DOCK5: variants seen among roughly 807,000 people sequenced by gnomAD.
The protein encoded by DOCK5 is dedicator of cytokinesis 5, also known as dedicator of cytokinesis protein 5.
DOCK5 carries 142 observed loss-of-function variants against 251.8 expected under a neutral mutation model. The observed-to-expected ratio is 0.56, with a 90% CI of 0.49 to 0.65. The LOEUF is 0.65. DOCK5 is among the 30% of genes least tolerant of loss of function. The pLI is 0.00. For missense variants in DOCK5, 2,111 were observed against 2,312.3 expected, an observed-to-expected ratio of 0.91 and a Z score of 1.79; for synonymous variants, 842 against 835.5, an observed-to-expected ratio of 1.01 and a Z score of -0.13.
chr8:25,368,503 G>A (rs1025020156), intron 32 of DOCK5, 68 bp from the exon 33 acceptor site: 1 of 1,505,052 alleles, frequency 6.6e-7, no homozygotes, highest in Non-Finnish European at 8.9e-7. Context: ...GGAACTTGTG[G>A]AGGAAGATTT....
intron 1 of DOCK5, among the ~76,000 whole-genome samples, chr8:25,216,161 A>G (rs1483996029): frequency 1.0e-4 from 15 of 148,888 alleles, no homozygotes; most frequent in Admixed American, 6.9e-5. Flanking sequence ...ATATGTATAT[A>G]TGTATACAAT....
chr8:25,319,218 C>T lies in DOCK5; in HGVS notation c.1444-360C>T, dbSNP rs148171911. On this transcript the variant is annotated intron_variant, in intron 14 of 51. Transcript: ENST00000276440. ...AAATGCTTTTCTGCAAATAGCGGCG[C>T]GTCTGCAGTTGTCACCTAACTTCTC... Among the ~76,000 whole-genome samples the T allele has an allele frequency of 3.3e-3, 505 of 152,298 alleles. 6 individuals carry two copies. Among genetic ancestry groups the T allele is most frequent in the African/African-American group, 0.012 (480 of 41,562 alleles).
At chr8:25,323,505 T>C (rs1281979776) in intron 16 of DOCK5, among the ~76,000 whole-genome samples, 1 of 151,952 alleles carries the variant, frequency 6.6e-6, no homozygotes, top group African/African-American at 2.4e-5. Context: ...TGGCCTGAAG[T>C]CAGGAAGGAC....
chr8:25,237,169 C>G (rs1236743804), intron 1 of DOCK5, among the ~76,000 whole-genome samples: 1 of 151,980 alleles, frequency 6.6e-6, no homozygotes, highest in Non-Finnish European at 1.5e-5. Context: ...GAGTTCGAGA[C>G]CAGCCTGTCC....
chr8:25,387,039 C>A (rs1801177443), intron 40 of DOCK5, among the ~76,000 whole-genome samples: 2 of 152,112 alleles, frequency 1.3e-5, no homozygotes, highest in African/African-American at 4.8e-5. Context: ...GTGATATAAC[C>A]TCACTGCCAC....
Position 25,363,058 on chromosome 8 carries a change from G to GGAAA in DOCK5, c.2962_2965dup (p.Thr989ArgfsTer39). 6.2e-7 allele frequency: 1 copy of GGAAA among 1,613,836 alleles called. No individual in the cohort carries two copies. Among genetic ancestry groups the GGAAA allele is most frequent in the South Asian group, 1.1e-5 (1 of 91,078 alleles). On this transcript the variant is annotated frameshift_variant, in exon 29 of 52. Transcript: ENST00000276440. LOFTEE classifies it high-confidence loss of function. ...TCTGTTCTCCGCAGGACTTCCTCAT[G>GGAAA]GAAACTTTTATCATGTTCAAGGACC...
At chr8:25,308,562 T>C (rs967053672) in intron 11 of DOCK5, among the ~76,000 whole-genome samples, 6 of 152,204 alleles carry the variant, frequency 3.9e-5, no homozygotes, top group African/African-American at 7.2e-5. Flanking sequence ...TTTTGTGTAC[T>C]CTTGGGTTTT....
At chr8:25,291,682 C>A (rs866308471) in intron 5 of DOCK5, among the ~76,000 whole-genome samples, 124 of 118,280 alleles carry the variant, frequency 1.0e-3, no homozygotes, top group Middle Eastern at 4.4e-3. Context: ...GACTCCGTCT[C>A]AAAAAAAAAA....
rs576181844 is a variant in DOCK5, at chr8:25,342,965, A to G, written c.2617+458A>G. ...CGTGATCCACCCGCCTCGGCCTCCC[A>G]AAGTGTTGGGATTACAGGCGTGAGC... On this transcript the variant is annotated intron_variant, in intron 25 of 51. Transcript: ENST00000276440. Among the ~76,000 whole-genome samples, 7 of 151,732 alleles carry G rather than the reference A, an allele frequency of 4.6e-5. No individual in the cohort carries two copies. The South Asian group carries it at 1.5e-3, about 32-fold the overall frequency.
At chr8:25,270,021 G>A (rs887778976) in intron 3 of DOCK5, among the ~76,000 whole-genome samples, 1 of 152,168 alleles carries the variant, frequency 6.6e-6, no homozygotes, top group Non-Finnish European at 1.5e-5. Context: ...CTGCATTGTT[G>A]ATGCTTAAGT....
At chr8:25,226,246 G>A (rs993541165) in intron 1 of DOCK5, among the ~76,000 whole-genome samples, 19 of 149,210 alleles carry the variant, frequency 1.3e-4, no homozygotes, top group Non-Finnish European at 2.7e-4. Context: ...TGCCAAATGT[G>A]TGTATAGGCT....
chr8:25,414,992 C>CA lies in DOCK5; in HGVS notation c.*3699dup, dbSNP rs1243533636. ...GCTTTTATTCTGCTTTTTATTTAAA[C>CA]AAAAAGAGGGGGAGGATCTGAAGGA... On this transcript the variant is annotated 3_prime_UTR_variant, in exon 52 of 52. Transcript: ENST00000276440. 1 of 128,766 alleles carries CA rather than the reference C, an allele frequency of 7.8e-6. No homozygotes were observed. Among genetic ancestry groups the CA allele is most frequent in the Non-Finnish European group, 1.6e-5 (1 of 61,840 alleles). 8.0% of individuals were successfully genotyped at this position (128,766 alleles called of 1,614,324 possible). A position where few individuals can be genotyped will look rare whatever the true frequency, so the allele number is the denominator to read the frequency against.
intron 5 of DOCK5, 92 bp from the exon 6 acceptor site, chr8:25,291,932 C>T (rs1189367640): frequency 3.9e-6 from 5 of 1,290,050 alleles, no homozygotes; most frequent in African/African-American, 1.5e-5. Context: ...CTGACATTCC[C>T]GTTAAAAACA....
chr8:25,364,590 C>T lies in DOCK5; in HGVS notation c.3045-36C>T, dbSNP rs117836119. 3 of 1,486,252 alleles carry T rather than the reference C, an allele frequency of 2.0e-6. No homozygotes were observed. In the South Asian group the frequency reaches 3.6e-5, roughly 18 times the overall value. 92.1% of individuals were successfully genotyped at this position (1,486,252 alleles called of 1,614,324 possible). On this transcript the variant is annotated intron_variant, in intron 29 of 51. Coordinates refer to ENST00000276440, the MANE Select transcript of DOCK5 (RefSeq NM_024940.8). ...GTGGGAAAAGGTTTCAAAGGACATA[C>T]AGTTGGCTTCTTTATCTGGTGTTTT... is the stretch of plus-strand genomic sequence containing the variant.
intron 38 of DOCK5, 115 bp downstream of exon 38, chr8:25,377,539 T>C (rs34962551): frequency 0.16 from 207,207 of 1,326,840 alleles, 18,361 homozygotes; most frequent in African/African-American, 0.3. Flanking sequence ...TTCAGGGCAC[T>C]GTCTCCAACG....
rs187986411 is a variant in DOCK5, at chr8:25,373,753, C to T, written c.3725+95C>T. ...AAATACTTTCCCAACACCGTGTTTG[C>T]TGCTTTGAGAGACCCCTAAAAGTAC... is the stretch of plus-strand genomic sequence containing the variant. On this transcript the variant is annotated intron_variant, in intron 36 of 51. Coordinates refer to ENST00000276440, the MANE Select transcript of DOCK5 (RefSeq NM_024940.8). 51 of 1,246,760 alleles carry T rather than the reference C, an allele frequency of 4.1e-5. No individual in the cohort carries two copies. The African/African-American group carries it at 6.8e-4, about 17-fold the overall frequency. 77.2% of individuals were successfully genotyped at this position (1,246,760 alleles called of 1,614,324 possible).
intron 48 of DOCK5, among the ~76,000 whole-genome samples, chr8:25,406,697 G>A (rs1427497075): frequency 2.0e-5 from 3 of 151,576 alleles, no homozygotes; most frequent in Admixed American, 6.6e-5. Context: ...GTGCAATCTC[G>A]GCTCGCTGCA....
intron 2 of DOCK5, among the ~76,000 whole-genome samples, chr8:25,246,938 G>A (rs995230769): frequency 1.3e-5 from 2 of 151,908 alleles, no homozygotes; most frequent in East Asian, 1.9e-4. Context: ...CCTAGCTGGA[G>A]TACAGTAGTG....
In DOCK5 at chr8:25,411,315, G is replaced by A; in HGVS notation, c.*17G>A. 5 of 1,458,356 alleles carry A rather than the reference G, an allele frequency of 3.4e-6. No homozygotes were observed. The highest frequency in any genetic ancestry group is 4.5e-6 in the Non-Finnish European group (5 of 1,107,246). 90.3% of individuals were successfully genotyped at this position (1,458,356 alleles called of 1,614,324 possible). A position where few individuals can be genotyped will look rare whatever the true frequency, so the allele number is the denominator to read the frequency against. ...TCCCAGTAAGGATCTTGCCCTCCCT[G>A]CAACACCGAGTGCCTTAGACAGCTG... On this transcript the variant is annotated 3_prime_UTR_variant, in exon 52 of 52. Transcript: ENST00000276440.
Sources: allele counts gnomAD v4.1 joint callset (sites outside exome capture counted in the v4.1 genomes callset), GRCh38; gene constraint gnomAD v4.1.1; transcripts MANE v1.5; gene names NCBI Gene and HGNC (gene_info 2026-07-23, HGNC 2026-07-21).